Variants in AIFM1 observed in about 807,000 individuals in gnomAD.
AIFM1 encodes apoptosis-inducing factor 1, mitochondrial.
Under a neutral mutation model 51.7 loss-of-function variants are expected in AIFM1, and 3 were observed. The observed-to-expected ratio is 0.06, with a 90% CI of 0.03 to 0.15. The LOEUF is 0.15. Among genes scored for constraint, AIFM1 ranks in the 10% least tolerant of loss-of-function variants. The pLI, the probability that AIFM1 is intolerant of heterozygous loss-of-function variation, is 1.00. For missense variants in AIFM1, 330 were observed against 476.8 expected (o/e 0.69, Z 2.87); for synonymous variants, 178 against 179.4 (o/e 0.99, Z 0.06).
At chrX:130,131,880 T>A (rs1472531652) in intron 13 of AIFM1, 81 bp from the exon 14 acceptor site, 2 of 1,147,476 alleles carry the variant, frequency 1.7e-6, no homozygotes, top group Non-Finnish European at 2.4e-6. Context: ...ACACTGCATT[T>A]TTTTTTTTTT....
At chrX:130,151,194 G>A (rs1213199366) in intron 2 of AIFM1, among the ~76,000 whole-genome samples, 1 of 107,186 alleles carries the variant, frequency 9.3e-6, no homozygotes, top group Non-Finnish European at 1.9e-5. Flanking sequence ...AGGCTGGAGT[G>A]CAGTGGCGTG....
intron 9 of AIFM1, chrX:130,137,645 C>G: frequency 4.5e-6 from 5 of 1,115,111 alleles, no homozygotes; most frequent in Non-Finnish European, 5.9e-6. Flanking sequence ...CAGGAAGCAG[C>G]AGTTCAAAGA....
chrX:130,164,697 T>C (rs2031472853), intron 1 of AIFM1, among the ~76,000 whole-genome samples: 1 of 111,866 alleles, frequency 8.9e-6, no homozygotes, highest in Non-Finnish European at 1.9e-5. Context: ...CCCGAATTCA[T>C]TCTTAACTTT....
At chrX:130,150,503 T>A (rs1216568322) in intron 2 of AIFM1, among the ~76,000 whole-genome samples, 2 of 102,531 alleles carry the variant, frequency 2.0e-5, no homozygotes, top group Non-Finnish European at 4.0e-5. Context: ...GCCCGGCTAA[T>A]TTTTTGTATT....
intron 6 of AIFM1, 42 bp from the exon 7 acceptor site, chrX:130,140,659 T>C: frequency 9.6e-7 from 1 of 1,038,956 alleles, no homozygotes; most frequent in Non-Finnish European, 1.3e-6. Context: ...TAGAGATGAA[T>C]TAGCATTGAA....
intron 3 of AIFM1, 23 bp from the exon 4 acceptor site, chrX:130,147,899 G>A: frequency 8.3e-7 from 1 of 1,210,430 alleles, no homozygotes; most frequent in Non-Finnish European, 1.1e-6. Context: ...GAACAGACTG[G>A]ATGAATCTTC....
chrX:130,156,738 C>A (rs1000550847), intron 1 of AIFM1, 135 bp from the exon 2 acceptor site: 28 of 699,453 alleles, frequency 4.0e-5, no homozygotes, highest in African/African-American at 3.7e-4. Context: ...AGAAAAATAT[C>A]ATCAAAACTG....
chrX:130,138,526 T>G (rs965690705), intron 9 of AIFM1, 67 bp downstream of exon 9: 98 of 776,139 alleles, frequency 1.3e-4, no homozygotes, highest in Middle Eastern at 5.5e-4. Context: ...CAAACACATC[T>G]CTGGGATTCA....
chrX:130,132,217 CGA>C (rs1391701948), intron 13 of AIFM1, among the ~76,000 whole-genome samples: 6 of 112,028 alleles, frequency 5.4e-5, no homozygotes, highest in Non-Finnish European at 1.1e-4. Flanking sequence ...ATGCAGATCA[CGA>C]GAGATGCCAA....
chrX:130,135,439 T>A (rs199941812), intron 12 of AIFM1, among the ~76,000 whole-genome samples: 314 of 72,923 alleles, frequency 4.3e-3, no homozygotes, highest in East Asian at 0.011. Context: ...TTTTTTTTTT[T>A]AAAAAAAAAA....
In AIFM1 at chrX:130,132,923, T is replaced by A. The variant is rs901057846; in HGVS notation, c.1448+390A>T. ...CACCACGTCCAGCTAATTTTTGTAT[T>A]TTTAGTAGAGACGGGGTTTCACCAT... On this transcript the variant is annotated intron_variant, in intron 13 of 15. Transcript: ENST00000287295. Among the ~76,000 whole-genome samples, 23 of 110,237 alleles carry A rather than the reference T, an allele frequency of 2.1e-4. 1 individual carries two copies. Among genetic ancestry groups the A allele is most frequent in the Non-Finnish European group, 2.7e-4 (14 of 52,774 alleles).
rs183340403 is a variant in AIFM1, at chrX:130,159,598, A to G, written c.107-2995T>C. ...TCTACCCCTGGTTCATTTACTAAAA[A>G]TAAATTTTTTTTGTTTTTGTTTTTC... On this transcript the variant is annotated intron_variant, in intron 1 of 15. Transcript: ENST00000287295. Among the ~76,000 whole-genome samples, 14 of 111,168 alleles carry G rather than the reference A, an allele frequency of 1.3e-4. No homozygotes were observed. The East Asian group carries it at 3.6e-3, about 29-fold the overall frequency.
At chrX:130,158,385 G>A (rs2031239077) in intron 1 of AIFM1, among the ~76,000 whole-genome samples, 3 of 112,357 alleles carry the variant, frequency 2.7e-5, no homozygotes, top group South Asian at 7.4e-4. Flanking sequence ...GGCAGACCCC[G>A]ATCTAGAGCA....
At chrX:130,144,132 T>C (rs1274481315) in intron 6 of AIFM1, among the ~76,000 whole-genome samples, 2 of 112,110 alleles carry the variant, frequency 1.8e-5, no homozygotes, top group African/African-American at 6.5e-5. Context: ...GCTTACAAGA[T>C]TAGAATAGGT....
rs1255333869 is a variant in AIFM1, at chrX:130,149,881, G to C, written c.250-313C>G. ...AAAAAGAAAAAATCATTTTATACTAGAAGAATAAAGTGCTAGAAAGGGCTA... is the reference window on the plus strand; with the variant it reads ...AAAAAGAAAAAATCATTTTATACTACAAGAATAAAGTGCTAGAAAGGGCTA... On this transcript the variant is annotated intron_variant, in intron 2 of 15. Coordinates refer to ENST00000287295, the MANE Select transcript of AIFM1 (RefSeq NM_004208.4). Among the ~76,000 whole-genome samples, 3 of 112,061 alleles carry C rather than the reference G, an allele frequency of 2.7e-5. No individual in the cohort carries two copies. The East Asian group carries it at 8.3e-4, about 31-fold the overall frequency.
chrX:130,157,965 A>G (rs899088064), intron 1 of AIFM1, among the ~76,000 whole-genome samples: 11 of 104,520 alleles, frequency 1.1e-4, no homozygotes, highest in Non-Finnish European at 2.1e-4. Flanking sequence ...AAAAAAAAAA[A>G]AAAGAAAAGA....
intron 1 of AIFM1, among the ~76,000 whole-genome samples, chrX:130,162,934 A>G (rs180691827): frequency 4.5e-5 from 5 of 112,205 alleles, no homozygotes; most frequent in African/African-American, 1.6e-4. Flanking sequence ...AGAGCATCCA[A>G]ATAAATAAAG....
At chrX:130,146,431 C>T (rs1435684672) in intron 5 of AIFM1, among the ~76,000 whole-genome samples, 1 of 100,235 alleles carries the variant, frequency 1.0e-5, no homozygotes, top group Non-Finnish European at 2.0e-5. Context: ...GTGACAGAGC[C>T]AGACCCTGTC....
intron 6 of AIFM1, among the ~76,000 whole-genome samples, chrX:130,144,421 T>C (rs914847833): frequency 8.9e-6 from 1 of 112,227 alleles, no homozygotes; most frequent in Non-Finnish European, 1.9e-5. Flanking sequence ...CTCAGGTTCA[T>C]CTCTTGCCAC....
Sources: allele counts gnomAD v4.1 joint callset (sites outside exome capture counted in the v4.1 genomes callset), GRCh38; gene constraint gnomAD v4.1.1; transcripts MANE v1.5; gene names NCBI Gene and HGNC (gene_info 2026-07-23, HGNC 2026-07-21).